The following CDH13 variants were observed in gnomAD, a reference collection of about 807,000 sequenced individuals.
CDH13 encodes cadherin 13.
Under a neutral mutation model 63.8 loss-of-function variants are expected in CDH13, and 24 were observed. That is an observed-to-expected ratio of 0.38 (90% confidence interval 0.27 to 0.53). The LOEUF is 0.53. Among genes scored for constraint, CDH13 ranks in the 20% least tolerant of loss-of-function variants. The probability of loss-of-function intolerance (pLI) is 0.85; values close to 1 mark genes in which losing one functional copy is unlikely to be tolerated. For missense variants in CDH13, 1,049 were observed against 903.1 expected, an observed-to-expected ratio of 1.16 and a Z score of -2.07; for synonymous variants, 503 against 355.3, an observed-to-expected ratio of 1.42 and a Z score of -4.67.
At chr16:82,846,561 G>T (rs922696516) in intron 1 of CDH13, among the ~76,000 whole-genome samples, 1 of 152,084 alleles carries the variant, frequency 6.6e-6, no homozygotes, top group Admixed American at 6.5e-5. Context: ...GGGTCACATA[G>T]AAACTAACTG....
At chr16:83,794,414 A>G (rs867383853) in intron 13 of CDH13, among the ~76,000 whole-genome samples, 1 of 152,048 alleles carries the variant, frequency 6.6e-6, no homozygotes, top group African/African-American at 2.4e-5. Context: ...TTAGCCAGGC[A>G]TGGCGGTGCA....
intron 1 of CDH13, among the ~76,000 whole-genome samples, chr16:82,667,810 G>C (rs1567607271): frequency 6.6e-6 from 1 of 152,194 alleles, no homozygotes; most frequent in South Asian, 2.1e-4. Context: ...CTGTACCTCT[G>C]TCTTGCTATG....
intron 4 of CDH13, among the ~76,000 whole-genome samples, chr16:83,167,367 C>T (rs2037723398): frequency 6.6e-6 from 1 of 151,888 alleles, no homozygotes; most frequent in Middle Eastern, 3.4e-3. Flanking sequence ...CATGCTGGTG[C>T]ATACCTGTAA....
intron 1 of CDH13, among the ~76,000 whole-genome samples, chr16:82,795,329 G>A (rs1277693357): frequency 6.6e-6 from 1 of 152,180 alleles, no homozygotes; most frequent in East Asian, 1.9e-4. Flanking sequence ...AGTTAATACA[G>A]AGACCACATT....
At chr16:83,384,384 C>T (rs184656714) in intron 6 of CDH13, among the ~76,000 whole-genome samples, 155 of 152,246 alleles carry the variant, frequency 1.0e-3, no homozygotes, top group African/African-American at 3.6e-3. Context: ...CCAAGTCCCC[C>T]AGGCCAGTGA....
At chr16:83,338,532 A>G (rs1190849272) in intron 5 of CDH13, among the ~76,000 whole-genome samples, 1 of 152,238 alleles carries the variant, frequency 6.6e-6, no homozygotes, top group African/African-American at 2.4e-5. Context: ...AGGTAGACGT[A>G]AATTGAATTA....
chr16:82,803,273 C>G (rs2036962656), intron 1 of CDH13, among the ~76,000 whole-genome samples: 1 of 152,184 alleles, frequency 6.6e-6, no homozygotes, highest in Non-Finnish European at 1.5e-5. Flanking sequence ...AAGATGATCT[C>G]AATTTTGAAT....
At chr16:82,629,514 A>C (rs1907754460) in intron 1 of CDH13, among the ~76,000 whole-genome samples, 1 of 152,214 alleles carries the variant, frequency 6.6e-6, no homozygotes, top group Non-Finnish European at 1.5e-5. Flanking sequence ...GACGAGCAAA[A>C]ACACAACTTT....
Position 83,330,004 on chromosome 16 carries a change from C to G in CDH13, c.637-14858C>G, listed in dbSNP as rs891979759. ...TATGGACATGAGTACGCAAATATAT[C>G]TTTTAAGACCCTGCTTTCAAATCTT... On this transcript the variant is annotated intron_variant, in intron 5 of 13. Coordinates refer to ENST00000567109, the MANE Select transcript of CDH13 (RefSeq NM_001257.5). 3.4e-4 allele frequency among the ~76,000 whole-genome samples: 51 copies of G among 152,168 alleles called. 1 individual carries two copies. Among genetic ancestry groups the G allele is most frequent in the African/African-American group, 1.2e-3 (51 of 41,434 alleles).
intron 6 of CDH13, among the ~76,000 whole-genome samples, chr16:83,452,969 G>T (rs2072923807): frequency 6.6e-6 from 1 of 152,168 alleles, no homozygotes; most frequent in Admixed American, 6.5e-5. Context: ...ACTCAACTCT[G>T]CCATCTTCTA....
At chr16:83,170,421 G>T (rs2037868110) in intron 4 of CDH13, among the ~76,000 whole-genome samples, 1 of 152,116 alleles carries the variant, frequency 6.6e-6, no homozygotes, top group South Asian at 2.1e-4. Context: ...CAAACTGGAA[G>T]ATGACAACAT....
intron 2 of CDH13, among the ~76,000 whole-genome samples, chr16:83,025,532 C>G (rs1567755775): frequency 1.3e-5 from 2 of 152,164 alleles, no homozygotes; most frequent in African/African-American, 2.4e-5. Flanking sequence ...GAGGTAACCA[C>G]TCCTGTGATT....
intron 6 of CDH13, among the ~76,000 whole-genome samples, chr16:83,484,035 G>T (rs971805253): frequency 1.4e-4 from 22 of 152,212 alleles, no homozygotes; most frequent in African/African-American, 5.3e-4. Context: ...TGGATAGGAA[G>T]TGCACCTTGA....
chr16:83,006,380 A>G (rs1393565316), intron 2 of CDH13, among the ~76,000 whole-genome samples: 1 of 152,186 alleles, frequency 6.6e-6, no homozygotes, highest in Non-Finnish European at 1.5e-5. Flanking sequence ...ATGTCTCCTG[A>G]ATGGTTTTGA....
chr16:83,347,029 G>C (rs796916269), intron 6 of CDH13, among the ~76,000 whole-genome samples: 10 of 152,284 alleles, frequency 6.6e-5, no homozygotes, highest in African/African-American at 2.4e-4. Context: ...GAATCAGTCA[G>C]ATTTGGGATC....
intron 7 of CDH13, among the ~76,000 whole-genome samples, chr16:83,526,607 C>T (rs2074966659): frequency 6.6e-6 from 1 of 152,182 alleles, no homozygotes; most frequent in Admixed American, 6.5e-5. Flanking sequence ...CTGTGTGGCC[C>T]AATTCCTAAC....
chr16:83,773,515 C>A (rs1362722348), intron 11 of CDH13, among the ~76,000 whole-genome samples: 21 of 152,160 alleles, frequency 1.4e-4, no homozygotes, highest in Admixed American at 1.3e-3. Flanking sequence ...CATCCGATCT[C>A]ATGAGAACTC....
intron 3 of CDH13, among the ~76,000 whole-genome samples, chr16:83,033,469 G>A (rs1157234154): frequency 6.6e-6 from 1 of 152,026 alleles, no homozygotes; most frequent in East Asian, 1.9e-4. Context: ...GTGTATATGT[G>A]TATACGTATG....
At chr16:83,426,885 G>T (rs911374477) in intron 6 of CDH13, among the ~76,000 whole-genome samples, 9 of 132,904 alleles carry the variant, frequency 6.8e-5, no homozygotes, top group Non-Finnish European at 1.4e-4. Context: ...CTAATTCTCA[G>T]AATCTATAAA....
Sources: allele counts gnomAD v4.1 joint callset (sites outside exome capture counted in the v4.1 genomes callset), GRCh38; gene constraint gnomAD v4.1.1; transcripts MANE v1.5; gene names NCBI Gene and HGNC (gene_info 2026-07-23, HGNC 2026-07-21).